Variants in CARMIL3 observed in about 807,000 individuals in gnomAD.
CARMIL3 encodes the protein capping protein regulator and myosin 1 linker 3, also known as capping protein, Arp2/3 and myosin-I linker protein 3.
In CARMIL3, 88 loss-of-function variants were observed where a neutral mutation model predicts 180.8. The observed-to-expected ratio is 0.49, with a 90% confidence interval of 0.41 to 0.58. The LOEUF is 0.58. CARMIL3 is among the 20% of genes least tolerant of loss of function. CARMIL3 has a pLI of 0.00. For missense variants in CARMIL3, 1,548 were observed against 1,787.0 expected (o/e 0.87, Z 2.41); for synonymous variants, 696 against 714.5 (o/e 0.97, Z 0.41).
intron 33 of CARMIL3, 151 bp downstream of exon 33, chr14:24,065,424 A>T (rs117952075): frequency 3.8e-6 from 4 of 1,057,312 alleles, no homozygotes; most frequent in Admixed American, 3.0e-5. Context: ...TTGAGAGTGG[A>T]CTAAGACCCA....
rs1481646452 is a variant in CARMIL3 at position 24,059,780 on chromosome 14, T to G, written c.1868+48T>G. On this transcript the variant is annotated intron_variant, in intron 22 of 39. Transcript: ENST00000342740. The surrounding 1 kb of genome is among the most constrained non-coding windows in gnomAD (Gnocchi z 6.3). ...CTGATCCAAGTCCCCAGCCTCCCTG[T>G]GCCTGGATCAGGCCTGAACTACTCT... 6.3e-7 allele frequency: 1 copy of G among 1,598,444 alleles called. No homozygotes were observed. Among genetic ancestry groups the G allele is most frequent in the South Asian group, 1.1e-5 (1 of 90,568 alleles).
chr14:24,063,218 G>T, intron 30 of CARMIL3, 35 bp downstream of exon 30: 1 of 1,607,732 alleles, frequency 6.2e-7, no homozygotes, highest in South Asian at 1.1e-5. Flanking sequence ...ATGGACTCCA[G>T]ACTCCCGCCC....
intron 8 of CARMIL3, 31 bp downstream of exon 8, chr14:24,055,341 A>C (rs1402737192): frequency 1.2e-6 from 2 of 1,611,474 alleles, no homozygotes; most frequent in Admixed American, 1.7e-5. Flanking sequence ...CTCCACCCTC[A>C]AATTCCCAAA....
Position 24,061,168 on chromosome 14 carries a change from C to G in CARMIL3, c.2304+128C>G, listed in dbSNP as rs1388269853. ...GAGGACATGCAGAGTTGAGACCACCCACGCTCCCACTGTACCAAGGCATTG... is the reference window on the plus strand; with the variant it reads ...GAGGACATGCAGAGTTGAGACCACCGACGCTCCCACTGTACCAAGGCATTG... On this transcript the variant is annotated intron_variant, in intron 26 of 39. Transcript: ENST00000342740. The surrounding 1 kb of genome is among the most constrained non-coding windows in gnomAD (Gnocchi z 4.1). 1 of 759,836 alleles carries G rather than the reference C, an allele frequency of 1.3e-6. No homozygotes were observed. The highest frequency in any genetic ancestry group is 2.1e-6 in the Non-Finnish European group (1 of 465,872). The allele number at this position is 759,836 out of a possible 1,614,324, so 47.1% of individuals were successfully genotyped here.
chr14:24,064,820 G>C (rs994216163), intron 32 of CARMIL3, 138 bp from the exon 33 acceptor site: 6 of 874,552 alleles, frequency 6.9e-6, no homozygotes, highest in Non-Finnish European at 8.9e-6. Flanking sequence ...GAAAGGCAAG[G>C]GCATCATCTC....
rs2035831557 is a variant in CARMIL3 at position 24,069,199 on chromosome 14, T to C, written c.4045T>C (p.Ser1349Pro). Residue 1349 changes from serine (S) to proline (P), a missense_variant, in exon 39 of 40, where the codon TCC becomes CCC. By Grantham distance (74) the Ser-to-Pro change is moderately conservative. Coordinates refer to ENST00000342740, the MANE Select transcript of CARMIL3 (RefSeq NM_138360.4). ...GCCCAAGAGGACACGGCGGGCACAG[T>C]CCTGTGACAAGCTGGAACCTGATAG... Reference protein sequence around the residue: ...LKPKRTRRAQSCDKLEPDRRR... With the variant: ...LKPKRTRRAQPCDKLEPDRRR... The C allele has an allele frequency of 6.2e-7, 1 of 1,613,558 alleles. No homozygotes were observed. The highest frequency in any genetic ancestry group is 1.1e-5 in the South Asian group (1 of 91,058).
chr14:24,065,502 C>T, intron 33 of CARMIL3, 120 bp from the exon 34 acceptor site: 1 of 1,432,932 alleles, frequency 7.0e-7, no homozygotes, highest in Non-Finnish European at 9.4e-7. Context: ...CAGAGGGTCT[C>T]TGCAGGGCTT....
Position 24,058,851 on chromosome 14 carries a change from TCAGGCCTCCAGGC to T in CARMIL3, c.1475-30_1475-18del. Reference sequence around the variant, plus strand: ...AGCCCTGATGGGACACCAGTCAGCCTCAGGCCTCCAGGCCAGGCCTCTCCCATCTGCTCACCAG... The same window carrying T: ...AGCCCTGATGGGACACCAGTCAGCCTCAGGCCTCTCCCATCTGCTCACCAG... On this transcript the variant is annotated intron_variant, in intron 18 of 39. Coordinates refer to ENST00000342740, the MANE Select transcript of CARMIL3 (RefSeq NM_138360.4). The surrounding 1 kb of genome is among the most constrained non-coding windows in gnomAD (Gnocchi z 6.4). 6.2e-7 allele frequency: 1 copy of T among 1,612,700 alleles called. No homozygotes were observed. The highest frequency in any genetic ancestry group is 8.5e-7 in the Non-Finnish European group (1 of 1,178,778).
At chr14:24,066,533 C>T (rs1393207347) in intron 35 of CARMIL3, 34 bp from the exon 36 acceptor site, 1 of 1,612,588 alleles carries the variant, frequency 6.2e-7, no homozygotes. Context: ...TTTTCCCTTT[C>T]TCCTCTCTTT....
intron 14 of CARMIL3, 44 bp from the exon 15 acceptor site, chr14:24,057,759 C>A (rs368950317): frequency 6.5e-7 from 1 of 1,546,518 alleles, no homozygotes; most frequent in Non-Finnish European, 8.8e-7. Context: ...CCACCCCCTA[C>A]CCCCTTCCAG....
At position 24,055,230 on chromosome 14, in the gene CARMIL3, C is replaced by T; in HGVS notation, c.532-7C>T. The T allele has an allele frequency of 6.2e-7, 1 of 1,614,170 alleles. No individual in the cohort carries two copies. Among genetic ancestry groups the T allele is most frequent in the Non-Finnish European group, 8.5e-7 (1 of 1,180,014 alleles). The stretch of plus-strand genomic sequence containing the variant: ...GAGCAGGTGTGAGCCAGTTCCACCT[C>T]TCCAAGGATGTGGACACCATCTACC... On this transcript the variant is annotated splice_region_variant and splice_polypyrimidine_tract_variant and intron_variant, in intron 7 of 39. Coordinates refer to ENST00000342740, the MANE Select transcript of CARMIL3 (RefSeq NM_138360.4).
At position 24,069,470 on chromosome 14, in the gene CARMIL3, C is replaced by T. The variant is rs2138823637; in HGVS notation, c.*66C>T. On this transcript the variant is annotated 3_prime_UTR_variant, in exon 40 of 40. Transcript: ENST00000342740. Reference sequence around the variant, plus strand: ...CGCAAGGACTCAGACCCCTATCCACCCCCAGTCCCCAGGGCCCCCTGCCAG... The same window carrying T: ...CGCAAGGACTCAGACCCCTATCCACTCCCAGTCCCCAGGGCCCCCTGCCAG... 7 of 1,600,930 alleles carry T rather than the reference C, an allele frequency of 4.4e-6. No individual in the cohort carries two copies. Among genetic ancestry groups the T allele is most frequent in the Non-Finnish European group, 6.0e-6 (7 of 1,170,338 alleles).
At chr14:24,063,067 T>G (rs1375313181) in intron 29 of CARMIL3, 53 bp from the exon 30 acceptor site, 2 of 1,596,156 alleles carry the variant, frequency 1.3e-6, no homozygotes, top group Admixed American at 1.7e-5. Flanking sequence ...TCATGAGGAA[T>G]GGATGGCTCT....
chr14:24,064,857 A>G, intron 32 of CARMIL3, 101 bp from the exon 33 acceptor site: 1 of 1,199,666 alleles, frequency 8.3e-7, no homozygotes, highest in Admixed American at 2.2e-5. Flanking sequence ...AAAGGGCTGC[A>G]GTGCAGCAGG....
chr14:24,065,310 C>T (rs970327702), intron 33 of CARMIL3, 37 bp downstream of exon 33: 4 of 1,466,138 alleles, frequency 2.7e-6, no homozygotes, highest in Non-Finnish European at 3.6e-6. Flanking sequence ...TTCCCCTTTT[C>T]CTGCCCCACA....
rs556415365 is a variant in CARMIL3, at chr14:24,054,470, A to AC, written c.322dup (p.His108ProfsTer36). 6.2e-7 allele frequency: 1 copy of AC among 1,614,128 alleles called. No individual in the cohort carries two copies. Among genetic ancestry groups the AC allele is most frequent in the Non-Finnish European group, 8.5e-7 (1 of 1,180,018 alleles). ...CTGAAAGTGTGGACCAGGTGACACG[A>AC]CATGTGAGCTCTGCCCTGTCCAAGG... is the stretch of plus-strand genomic sequence containing the variant. On this transcript the variant is annotated frameshift_variant, in exon 5 of 40. Coordinates refer to ENST00000342740, the MANE Select transcript of CARMIL3 (RefSeq NM_138360.4). LOFTEE classifies it high-confidence loss of function. The surrounding 1 kb of genome is among the most constrained non-coding windows in gnomAD (Gnocchi z 5.1).
At chr14:24,056,507 C>T in intron 11 of CARMIL3, 114 bp downstream of exon 11, 1 of 1,455,016 alleles carries the variant, frequency 6.9e-7, no homozygotes, top group South Asian at 1.2e-5. Flanking sequence ...CCTGCCCTGA[C>T]ACCTCCATCC....
Position 24,059,865 on chromosome 14 carries a change from ACAG to A in CARMIL3, c.1869-104_1869-102del. ...GAAATTTTAGGAAGGGCCATGGAAGACAGAAATGATGAGCAAGGGGGCTGGAGG... is the reference window on the plus strand; with the variant it reads ...GAAATTTTAGGAAGGGCCATGGAAGAAAATGATGAGCAAGGGGGCTGGAGG... On this transcript the variant is annotated intron_variant, in intron 22 of 39. Transcript: ENST00000342740. The surrounding 1 kb of genome is among the most constrained non-coding windows in gnomAD (Gnocchi z 6.3). 6.5e-7 allele frequency: 1 copy of A among 1,534,614 alleles called. No homozygotes were observed. The highest frequency in any genetic ancestry group is 2.3e-5 in the East Asian group (1 of 44,268).
intron 32 of CARMIL3, among the ~76,000 whole-genome samples, 179 bp downstream of exon 32, chr14:24,064,525 G>A (rs570917966): frequency 1.4e-4 from 21 of 152,326 alleles, no homozygotes; most frequent in Admixed American, 1.0e-3. Flanking sequence ...TGACCTCTGC[G>A]TCTTCCCAGG....
Sources: gnomAD v4.1 joint callset for allele counts (sites outside exome capture counted in the v4.1 genomes callset) on GRCh38, gnomAD v4.1.1 for gene constraint, Gnocchi (gnomAD v3.1) non-coding constraint, MANE v1.5 for transcripts, NCBI Gene and HGNC (gene_info 2026-07-23, HGNC 2026-07-21) for gene names.